Variants in CTNND2 observed in about 807,000 individuals in gnomAD.
The protein encoded by CTNND2 is catenin delta-2.
Under a neutral mutation model 144.4 loss-of-function variants are expected in CTNND2, and 22 were observed. The observed-to-expected ratio is 0.15, with a 90% confidence interval of 0.11 to 0.22. The LOEUF (loss-of-function observed/expected upper bound fraction) is 0.22. Among genes scored for constraint, CTNND2 ranks in the 10% least tolerant of loss-of-function variants. CTNND2 has a pLI of 1.00. For missense variants in CTNND2, 1,353 were observed against 1,618.8 expected (o/e 0.84, Z 2.82); for synonymous variants, 751 against 695.6 (o/e 1.08, Z -1.25).
chr5:11,194,045 G>C (rs1736609296), intron 11 of CTNND2, among the ~76,000 whole-genome samples: 1 of 152,122 alleles, frequency 6.6e-6, no homozygotes, highest in Non-Finnish European at 1.5e-5. Flanking sequence ...GGACATAATG[G>C]AATAGAGAAG....
At chr5:11,439,978 C>A (rs1348028648) in intron 3 of CTNND2, among the ~76,000 whole-genome samples, 1 of 151,918 alleles carries the variant, frequency 6.6e-6, no homozygotes, top group Non-Finnish European at 1.5e-5. Context: ...CTGGTCCACA[C>A]TGGGACATTT....
intron 11 of CTNND2, among the ~76,000 whole-genome samples, chr5:11,161,390 G>A (rs1758755729): frequency 6.6e-6 from 1 of 152,106 alleles, no homozygotes; most frequent in South Asian, 2.1e-4. Context: ...AGTGCTCAAT[G>A]GTACACAGAA....
intron 14 of CTNND2, among the ~76,000 whole-genome samples, chr5:11,102,557 C>A: frequency 6.6e-6 from 1 of 152,182 alleles, no homozygotes; most frequent in Non-Finnish European, 1.5e-5. Context: ...AATGTATCAG[C>A]ACTTTTCTTT....
At chr5:11,425,059 A>G (rs1193898041) in intron 3 of CTNND2, among the ~76,000 whole-genome samples, 1 of 152,222 alleles carries the variant, frequency 6.6e-6, no homozygotes, top group Non-Finnish European at 1.5e-5. Flanking sequence ...AAACTCATCC[A>G]TTATGTGTAA....
intron 15 of CTNND2, among the ~76,000 whole-genome samples, chr5:11,089,769 G>A (rs1474416496): frequency 7.2e-5 from 11 of 152,190 alleles, no homozygotes; most frequent in Admixed American, 5.9e-4. Context: ...GAGCACTTTC[G>A]GAGGCCAAGG....
At chr5:11,509,561 C>T (rs1454074619) in intron 3 of CTNND2, among the ~76,000 whole-genome samples, 1 of 152,110 alleles carries the variant, frequency 6.6e-6, no homozygotes, top group African/African-American at 2.4e-5. Context: ...AGAATATTTA[C>T]ATTTATAGGA....
At chr5:11,706,901 C>T (rs1169118803) in intron 2 of CTNND2, among the ~76,000 whole-genome samples, 2 of 151,722 alleles carry the variant, frequency 1.3e-5, no homozygotes, top group African/African-American at 4.8e-5. Flanking sequence ...CTGGCTAACG[C>T]GGTGAAACCC....
rs184823220 is a variant in CTNND2 at position 11,691,517 on chromosome 5, C to A, written c.174+40619G>T. ...CCAATATACAAGTACTCAACCAAAG[C>A]ATCAACTTTTTGAAAAATCAGTTTC... is the stretch of plus-strand genomic sequence containing the variant. On this transcript the variant is annotated intron_variant, in intron 2 of 21. Coordinates refer to ENST00000304623, the MANE Select transcript of CTNND2 (RefSeq NM_001332.4). Among the ~76,000 whole-genome samples the A allele has an allele frequency of 4.2e-3, 640 of 152,092 alleles. 5 individuals carry two copies. Among genetic ancestry groups the A allele is most frequent in the African/African-American group, 0.015 (609 of 41,522 alleles).
At chr5:11,347,627 C>G (rs1165014656) in intron 8 of CTNND2, among the ~76,000 whole-genome samples, 1 of 152,154 alleles carries the variant, frequency 6.6e-6, no homozygotes, top group East Asian at 1.9e-4. Context: ...TGATCAACAG[C>G]AGACAGCCCA....
intron 11 of CTNND2, among the ~76,000 whole-genome samples, chr5:11,187,050 T>G (rs111470599): frequency 1.6e-3 from 243 of 152,290 alleles, no homozygotes; most frequent in African/African-American, 5.4e-3. Flanking sequence ...GATTCTCAGG[T>G]TAGGCACATT....
chr5:11,435,438 C>A (rs886546180), intron 3 of CTNND2, among the ~76,000 whole-genome samples: 1 of 151,964 alleles, frequency 6.6e-6, no homozygotes, highest in African/African-American at 2.4e-5. Context: ...CACCGCGCCC[C>A]GCCGTTTGAC....
At chr5:11,541,304 T>C (rs929483864) in intron 3 of CTNND2, among the ~76,000 whole-genome samples, 1 of 152,204 alleles carries the variant, frequency 6.6e-6, no homozygotes, top group Non-Finnish European at 1.5e-5. Flanking sequence ...CAAAACACTC[T>C]TGGAACACAC....
At chr5:11,203,080 C>T (rs1203361024) in intron 10 of CTNND2, among the ~76,000 whole-genome samples, 2 of 152,214 alleles carry the variant, frequency 1.3e-5, no homozygotes, top group Non-Finnish European at 2.9e-5. Flanking sequence ...GCTGGGATTA[C>T]AGGCATGAGC....
intron 1 of CTNND2, among the ~76,000 whole-genome samples, chr5:11,755,673 C>T (rs1290253666): frequency 1.2e-5 from 1 of 86,888 alleles, no homozygotes; most frequent in African/African-American, 3.9e-5. Context: ...TTTTATTTTG[C>T]AGAACTGGTC....
intron 2 of CTNND2, among the ~76,000 whole-genome samples, chr5:11,684,067 AT>A (rs1208829094): frequency 6.6e-6 from 1 of 152,040 alleles, no homozygotes; most frequent in Non-Finnish European, 1.5e-5. Context: ...GACAGCTACT[AT>A]TAGGTTTTTT....
intron 9 of CTNND2, among the ~76,000 whole-genome samples, chr5:11,328,289 CTT>C (rs747493685): frequency 0.035 from 4,804 of 135,682 alleles, 264 homozygotes; most frequent in African/African-American, 0.12. Flanking sequence ...ACACAAAATT[CTT>C]TTTTTTTTTT....
intron 11 of CTNND2, among the ~76,000 whole-genome samples, chr5:11,166,283 C>G (rs1759319937): frequency 1.4e-5 from 2 of 139,564 alleles, no homozygotes; most frequent in Non-Finnish European, 3.0e-5. Flanking sequence ...GAGTCTTGCT[C>G]TGTCACCCAG....
intron 2 of CTNND2, among the ~76,000 whole-genome samples, chr5:11,568,082 C>T (rs1200696471): frequency 6.6e-6 from 1 of 152,186 alleles, no homozygotes; most frequent in Non-Finnish European, 1.5e-5. Flanking sequence ...CTCAATGCCC[C>T]ATGGACTATG....
At chr5:11,420,289 T>A (rs370852437) in intron 3 of CTNND2, among the ~76,000 whole-genome samples, 1 of 152,084 alleles carries the variant, frequency 6.6e-6, no homozygotes, top group African/African-American at 2.4e-5. Flanking sequence ...CACCACTGCA[T>A]TCCAGCCCGG....
Sources: allele counts gnomAD v4.1 joint callset (sites outside exome capture counted in the v4.1 genomes callset), GRCh38; gene constraint gnomAD v4.1.1; transcripts MANE v1.5; gene names NCBI Gene and HGNC (gene_info 2026-07-23, HGNC 2026-07-21).